Variants in TRIO observed in about 807,000 individuals in gnomAD.
TRIO encodes the protein triple functional domain protein.
A neutral mutation model predicts 351.9 loss-of-function variants in TRIO; 58 were observed. That is an observed-to-expected ratio of 0.16 (90% CI 0.13 to 0.21). The LOEUF (loss-of-function observed/expected upper bound fraction) is 0.21, where lower values mean the gene tolerates loss of function less well. Ranked by LOEUF, TRIO falls within the 10% of genes least tolerant of loss-of-function variation. The pLI is 1.00. For missense variants in TRIO, 3,201 were observed against 4,027.8 expected, an observed-to-expected ratio of 0.79 and a Z score of 5.56; for synonymous variants, 1,758 against 1,595.7, an observed-to-expected ratio of 1.10 and a Z score of -2.42.
chr5:14,425,826 C>G (rs544131169), intron 34 of TRIO, among the ~76,000 whole-genome samples: 1 of 152,172 alleles, frequency 6.6e-6, no homozygotes, highest in Admixed American at 6.5e-5. Context: ...TCTTTAAATA[C>G]TAACTCTGCC....
At chr5:14,257,156 C>T (rs150991328) in intron 1 of TRIO, among the ~76,000 whole-genome samples, 49 of 152,340 alleles carry the variant, frequency 3.2e-4, no homozygotes, top group African/African-American at 1.1e-3. Context: ...GTGCCTCTGG[C>T]GACCTCCTGC....
chr5:14,387,240 T>C (rs1310120122), intron 21 of TRIO, 198 bp from the exon 22 acceptor site: 14 of 502,954 alleles, frequency 2.8e-5, no homozygotes, highest in South Asian at 1.3e-4. Flanking sequence ...TGCCATTCGT[T>C]GTAGCAGAGC....
chr5:14,320,922 A>AG (rs1457321918), intron 9 of TRIO, among the ~76,000 whole-genome samples: 3 of 152,182 alleles, frequency 2.0e-5, no homozygotes, highest in African/African-American at 7.2e-5. Context: ...ATCAGGAGTG[A>AG]GGGGTGGATG....
intron 1 of TRIO, among the ~76,000 whole-genome samples, chr5:14,251,187 A>G (rs545175186): frequency 6.6e-6 from 1 of 152,290 alleles, no homozygotes; most frequent in Non-Finnish European, 1.5e-5. Flanking sequence ...GTCAGATACA[A>G]GAAGTTACAA....
At chr5:14,361,617 C>G (rs1219638379) in intron 13 of TRIO, among the ~76,000 whole-genome samples, 1 of 152,144 alleles carries the variant, frequency 6.6e-6, no homozygotes, top group Non-Finnish European at 1.5e-5. Flanking sequence ...ATCTGTTACC[C>G]GGTTAATTTA....
intron 40 of TRIO, among the ~76,000 whole-genome samples, chr5:14,476,518 A>G (rs567834228): frequency 6.6e-6 from 1 of 152,340 alleles, no homozygotes; most frequent in Non-Finnish European, 1.5e-5. Context: ...CTGGCCAGGC[A>G]CGGTGGCTCA....
chr5:14,277,252 G>T (rs1305531699), intron 2 of TRIO, among the ~76,000 whole-genome samples: 1 of 152,202 alleles, frequency 6.6e-6, no homozygotes, highest in Non-Finnish European at 1.5e-5. Context: ...GTGCCTTAGA[G>T]AAATAAGATT....
chr5:14,201,494 A>G (rs1180675657), intron 1 of TRIO, among the ~76,000 whole-genome samples: 1 of 152,164 alleles, frequency 6.6e-6, no homozygotes, highest in Non-Finnish European at 1.5e-5. Flanking sequence ...TGCTAAGGTC[A>G]TATCCTGTGG....
intron 1 of TRIO, among the ~76,000 whole-genome samples, chr5:14,247,964 G>T (rs1794530406): frequency 6.6e-6 from 1 of 151,918 alleles, no homozygotes; most frequent in Non-Finnish European, 1.5e-5. Context: ...TACTTGGGAG[G>T]CTGAGGCAGA....
At chr5:14,274,579 TC>T (rs1735332911) in intron 2 of TRIO, among the ~76,000 whole-genome samples, 1 of 152,154 alleles carries the variant, frequency 6.6e-6, no homozygotes, top group Non-Finnish European at 1.5e-5. Context: ...AACTTGGATA[TC>T]CCGTAAAGAG....
At chr5:14,389,674 G>A (rs941606442) in intron 25 of TRIO, among the ~76,000 whole-genome samples, 9 of 152,142 alleles carry the variant, frequency 5.9e-5, no homozygotes, top group African/African-American at 1.9e-4. Context: ...AAGCCGAGCC[G>A]TCAGGTGCCC....
At chr5:14,421,701 G>A (rs900929573) in intron 34 of TRIO, among the ~76,000 whole-genome samples, 5 of 152,078 alleles carry the variant, frequency 3.3e-5, no homozygotes, top group Non-Finnish European at 7.4e-5. Flanking sequence ...GGAAACGGAG[G>A]GCGTCTTCAA....
At chr5:14,323,317 GA>G (rs1233851296) in intron 9 of TRIO, among the ~76,000 whole-genome samples, 1 of 152,136 alleles carries the variant, frequency 6.6e-6, no homozygotes, top group Non-Finnish European at 1.5e-5. Context: ...TGGCTTGGCA[GA>G]AGCACCGAGA....
chr5:14,360,570 A>G (rs1744056062), intron 13 of TRIO, among the ~76,000 whole-genome samples: 1 of 152,244 alleles, frequency 6.6e-6, no homozygotes, highest in Non-Finnish European at 1.5e-5. Flanking sequence ...AGAATTCATC[A>G]GCAGTCCTTG....
intron 1 of TRIO, among the ~76,000 whole-genome samples, chr5:14,270,151 C>G (rs562470360): frequency 2.0e-5 from 3 of 152,336 alleles, no homozygotes; most frequent in Non-Finnish European, 1.5e-5. Flanking sequence ...AATATTCCCA[C>G]TGGGCCTTCT....
intron 1 of TRIO, among the ~76,000 whole-genome samples, chr5:14,168,399 T>A (rs1788902748): frequency 1.3e-5 from 2 of 152,244 alleles, no homozygotes; most frequent in Non-Finnish European, 2.9e-5. Context: ...TCTCTACAAG[T>A]ACATTACTCA....
chr5:14,157,892 C>G (rs745755400), intron 1 of TRIO, among the ~76,000 whole-genome samples: 3 of 152,168 alleles, frequency 2.0e-5, no homozygotes, highest in Non-Finnish European at 2.9e-5. Context: ...CCAGCCTGTT[C>G]TGTGTTTTTC....
At chr5:14,220,725 A>G (rs572438630) in intron 1 of TRIO, among the ~76,000 whole-genome samples, 1 of 152,368 alleles carries the variant, frequency 6.6e-6, no homozygotes, top group Non-Finnish European at 1.5e-5. Flanking sequence ...AATCCAGAAC[A>G]AGGCCTCAGC....
intron 1 of TRIO, among the ~76,000 whole-genome samples, chr5:14,252,341 T>A (rs569055920): frequency 5.3e-5 from 8 of 152,330 alleles, no homozygotes; most frequent in Non-Finnish European, 8.8e-5. Context: ...ACTTCCTGCC[T>A]GCAGGCTTGC....
Sources: gnomAD v4.1 joint callset for allele counts (sites outside exome capture counted in the v4.1 genomes callset) on GRCh38, gnomAD v4.1.1 for gene constraint, MANE v1.5 for transcripts, NCBI Gene and HGNC (gene_info 2026-07-23, HGNC 2026-07-21) for gene names.